ITGAM: variants seen among roughly 807,000 people sequenced by gnomAD.
ITGAM encodes integrin subunit alpha M.
Under a neutral mutation model 137.5 loss-of-function variants are expected in ITGAM, and 79 were observed. The ratio of observed to expected loss-of-function variants is 0.57; its 90% CI spans 0.48 to 0.69. ITGAM has a LOEUF of 0.69. Among genes scored for constraint, ITGAM ranks in the 30% least tolerant of loss-of-function variants. The probability of loss-of-function intolerance (pLI) is 0.00; values close to 1 mark genes in which losing one functional copy is unlikely to be tolerated. For missense variants in ITGAM, 1,343 were observed against 1,483.5 expected, an observed-to-expected ratio of 0.91 and a Z score of 1.56; for synonymous variants, 583 against 592.3, an observed-to-expected ratio of 0.98 and a Z score of 0.23.
intron 24 of ITGAM, 140 bp from the exon 25 acceptor site, chr16:31,329,658 T>C (rs2080554333): frequency 4.5e-6 from 3 of 672,312 alleles, no homozygotes; most frequent in Non-Finnish European, 5.1e-6. Context: ...GGAATGCGTA[T>C]TACATGTACA....
intron 12 of ITGAM, among the ~76,000 whole-genome samples, chr16:31,282,237 G>A (rs867952791): frequency 2.6e-5 from 4 of 152,088 alleles, no homozygotes; most frequent in Admixed American, 6.6e-5. Context: ...TATTAGGTCC[G>A]CTTGGTGCAG....
chr16:31,309,720 G>T (rs370895656), intron 14 of ITGAM, among the ~76,000 whole-genome samples: 8 of 152,054 alleles, frequency 5.3e-5, no homozygotes, highest in Non-Finnish European at 8.8e-5. Flanking sequence ...TATTTTGCTC[G>T]TTAGTTGATG....
chr16:31,265,405 G>T lies in ITGAM; in HGVS notation c.145G>T (p.Gly49Ter), dbSNP rs1285546374. The T allele has an allele frequency of 3.7e-6, 6 of 1,600,096 alleles. No homozygotes were observed. The highest frequency in any genetic ancestry group is 1.3e-5 in the African/African-American group (1 of 74,532). The change falls in exon 3 of 30, where the codon GGA (glycine) becomes TGA (stop). Residue 49 changes from glycine (G) to a stop codon, truncating the protein, a stop_gained. Transcript: ENST00000544665. LOFTEE classifies it high-confidence loss of function. ...VQLQGSRVVV[G>*]APQEIVAANQ... ...CACTTCTCCCCACAGGGTGGTGGTT[G>T]GAGCCCCCCAGGAGATAGTGGCTGC...
intron 22 of ITGAM, 126 bp from the exon 23 acceptor site, chr16:31,328,021 T>C (rs761482670): frequency 5.0e-5 from 37 of 741,306 alleles, no homozygotes; most frequent in Non-Finnish European, 8.1e-5. Flanking sequence ...TGGAGAACAG[T>C]GGGGTTTCAG....
intron 5 of ITGAM, among the ~76,000 whole-genome samples, chr16:31,267,138 G>A (rs1160207001): frequency 6.6e-6 from 1 of 152,130 alleles, no homozygotes. Flanking sequence ...AAAGTGCTGG[G>A]AATGAGCCAG....
chr16:31,296,302 G>A (rs1394640606), intron 12 of ITGAM, among the ~76,000 whole-genome samples: 1 of 149,574 alleles, frequency 6.7e-6, no homozygotes, highest in African/African-American at 2.5e-5. Context: ...TAGTAGAGAT[G>A]GGGTTTCACC....
At chr16:31,273,309 A>C (rs1016089207) in intron 7 of ITGAM, 56 bp from the exon 8 acceptor site, 46 of 1,515,560 alleles carry the variant, frequency 3.0e-5, no homozygotes, top group South Asian at 1.1e-4. Context: ...AAAAAAAAAA[A>C]AAACTAGTGT....
chr16:31,271,834 G>T lies in ITGAM; in HGVS notation c.559-13G>T. 1.9e-6 allele frequency: 3 copies of T among 1,613,736 alleles called. No individual in the cohort carries two copies. The highest frequency in any genetic ancestry group is 2.5e-6 in the Non-Finnish European group (3 of 1,179,742). ...CACCTTCTCCAGCATCACACCAGCC[G>T]CCCCCTCCGCAGTTCTCTTTGATGC... On this transcript the variant is annotated splice_polypyrimidine_tract_variant and intron_variant, in intron 6 of 29. Transcript: ENST00000544665.
At chr16:31,261,640 T>C in intron 1 of ITGAM, 52 bp from the exon 2 acceptor site, 1 of 1,227,148 alleles carries the variant, frequency 8.1e-7, no homozygotes, top group Non-Finnish European at 1.2e-6. Flanking sequence ...CTACAGCCCC[T>C]AACTGGCATG....
intron 14 of ITGAM, among the ~76,000 whole-genome samples, chr16:31,317,043 C>T (rs868052262): frequency 1.3e-5 from 2 of 152,020 alleles, no homozygotes; most frequent in South Asian, 2.1e-4. Flanking sequence ...CAATTGCAAA[C>T]AGGGACAATT....
At chr16:31,272,077 AG>A in intron 7 of ITGAM, 85 bp downstream of exon 7, 1 of 1,529,128 alleles carries the variant, frequency 6.5e-7, no homozygotes, top group Non-Finnish European at 9.0e-7. Context: ...CCGTTCAGAC[AG>A]GGGTGGTAGA....
chr16:31,293,490 G>T (rs916919246), intron 12 of ITGAM, among the ~76,000 whole-genome samples: 1 of 152,032 alleles, frequency 6.6e-6, no homozygotes, highest in Non-Finnish European at 1.5e-5. Context: ...AGCACCATTT[G>T]TTGAATAGGA....
At chr16:31,260,550 T>C (rs1261738896) in intron 1 of ITGAM, among the ~76,000 whole-genome samples, 1 of 152,256 alleles carries the variant, frequency 6.6e-6, no homozygotes, top group Non-Finnish European at 1.5e-5. Flanking sequence ...TGCTTATATG[T>C]TGTGGAAAAT....
chr16:31,283,555 G>A (rs1184582076), intron 12 of ITGAM, among the ~76,000 whole-genome samples: 1 of 152,122 alleles, frequency 6.6e-6, no homozygotes, highest in Admixed American at 6.6e-5. Flanking sequence ...CTCATGCCAT[G>A]GTTTTCAGCT....
At chr16:31,275,489 C>A in intron 8 of ITGAM, 60 bp from the exon 9 acceptor site, 1 of 1,545,932 alleles carries the variant, frequency 6.5e-7, no homozygotes, top group South Asian at 1.1e-5. Context: ...GCAGAATTGT[C>A]TTTGCCAGAT....
At chr16:31,273,163 G>A (rs2079869828) in intron 7 of ITGAM, among the ~76,000 whole-genome samples, 1 of 152,052 alleles carries the variant, frequency 6.6e-6, no homozygotes, top group Non-Finnish European at 1.5e-5. Context: ...AAGTGTGGTG[G>A]TACATGCCTG....
intron 12 of ITGAM, among the ~76,000 whole-genome samples, chr16:31,279,623 A>T (rs1454550117): frequency 1.3e-5 from 2 of 152,092 alleles, no homozygotes; most frequent in African/African-American, 2.4e-5. Flanking sequence ...AGTTCTTTGT[A>T]GATTCTGGAT....
chr16:31,327,118 G>T (rs2080516524), intron 22 of ITGAM, 183 bp downstream of exon 22: 5 of 634,018 alleles, frequency 7.9e-6, no homozygotes, highest in African/African-American at 7.3e-5. Context: ...GGATGGTGGT[G>T]GATCAGACGA....
chr16:31,277,929 C>A lies in ITGAM; in HGVS notation c.1214-38C>A, dbSNP rs536851643. ...TGGGTCTGCATGGTGGAGGAGGGGG[C>A]AGGGAATGCACTTCACCTCTCAGAC... On this transcript the variant is annotated intron_variant, in intron 11 of 29. Transcript: ENST00000544665. 7.7e-5 allele frequency: 119 copies of A among 1,553,102 alleles called. No homozygotes were observed. The South Asian group carries it at 1.4e-3, about 18-fold the overall frequency.
Sources: gnomAD v4.1 joint callset for allele counts (sites outside exome capture counted in the v4.1 genomes callset) on GRCh38, gnomAD v4.1.1 for gene constraint, MANE v1.5 for transcripts, NCBI Gene and HGNC (gene_info 2026-07-23, HGNC 2026-07-21) for gene names.